Variants in LPP observed in about 807,000 individuals in gnomAD.
The protein encoded by LPP is lipoma-preferred partner.
In LPP, 38 loss-of-function variants were observed where a neutral mutation model predicts 60.4. The ratio of observed to expected loss-of-function variants is 0.63; its 90% confidence interval spans 0.49 to 0.83. LPP has a LOEUF of 0.83. Among genes scored for constraint, LPP ranks in the 40% least tolerant of loss-of-function variants. The pLI is 0.00. For missense variants in LPP, 902 were observed against 783.6 expected, an observed-to-expected ratio of 1.15 and a Z score of -1.80; for synonymous variants, 328 against 290.8, an observed-to-expected ratio of 1.13 and a Z score of -1.30.
At chr3:188,620,299 A>C (rs1266124311) in intron 7 of LPP, among the ~76,000 whole-genome samples, 4 of 152,078 alleles carry the variant, frequency 2.6e-5, no homozygotes, top group Admixed American at 6.6e-5. Context: ...CCAGGAAGAA[A>C]TCCTCTACCA....
intron 4 of LPP, among the ~76,000 whole-genome samples, chr3:188,411,032 A>G (rs1482914310): frequency 6.6e-6 from 1 of 152,172 alleles, no homozygotes; most frequent in Non-Finnish European, 1.5e-5. Context: ...CTCCAACTCT[A>G]TCCAAGTTGC....
intron 5 of LPP, among the ~76,000 whole-genome samples, chr3:188,499,817 T>G (rs1354171609): frequency 6.6e-6 from 1 of 152,204 alleles, no homozygotes; most frequent in Non-Finnish European, 1.5e-5. Flanking sequence ...TGTTCAAGGC[T>G]TTTAACTATT....
chr3:188,249,234 C>T (rs1728200388), intron 2 of LPP, among the ~76,000 whole-genome samples: 1 of 152,044 alleles, frequency 6.6e-6, no homozygotes, highest in Admixed American at 6.6e-5. Flanking sequence ...CCCACATCTA[C>T]AAAAAATTTA....
Position 188,879,240 on chromosome 3 carries a change from C to T in LPP, c.*4761C>T, listed in dbSNP as rs1769636549. 1.7e-5 allele frequency: 4 copies of T among 230,796 alleles called. No homozygotes were observed. In the South Asian group the frequency reaches 7.3e-4, roughly 42 times the overall value. The allele number at this position is 230,796 out of a possible 1,614,324, so 14.3% of individuals were successfully genotyped here. ...TACTATGACTTGGTAAGGATTCTTC[C>T]TCTCTTGCTTTCTTCCTCCCTTCCT... On this transcript the variant is annotated 3_prime_UTR_variant, in exon 12 of 12. Coordinates refer to ENST00000617246, the MANE Select transcript of LPP (RefSeq NM_001375462.1).
intron 2 of LPP, among the ~76,000 whole-genome samples, chr3:188,269,025 C>T (rs1409028560): frequency 1.3e-5 from 2 of 152,148 alleles, no homozygotes; most frequent in African/African-American, 4.8e-5. Context: ...AGATTGCTGC[C>T]TCCAGGGGTC....
intron 4 of LPP, among the ~76,000 whole-genome samples, chr3:188,459,591 G>A (rs1055904769): frequency 1.3e-5 from 2 of 152,010 alleles, no homozygotes; most frequent in African/African-American, 2.4e-5. Context: ...GACTTTTCCA[G>A]GAAACTTGTT....
chr3:188,809,619 T>G (rs1251192820), intron 9 of LPP, among the ~76,000 whole-genome samples: 3 of 152,022 alleles, frequency 2.0e-5, no homozygotes, highest in Admixed American at 1.3e-4. Flanking sequence ...ATTTTCTCCC[T>G]TTCTGTAGGT....
At chr3:188,175,125 C>T (rs964524930) in intron 1 of LPP, among the ~76,000 whole-genome samples, 1 of 152,220 alleles carries the variant, frequency 6.6e-6, no homozygotes, top group African/African-American at 2.4e-5. Context: ...CTCGCTCTGT[C>T]GCTCAGCCTG....
At chr3:188,647,341 C>T (rs777010046) in intron 7 of LPP, among the ~76,000 whole-genome samples, 43 of 151,972 alleles carry the variant, frequency 2.8e-4, no homozygotes, top group Non-Finnish European at 5.6e-4. Context: ...GGAAAGTGCC[C>T]GCTTAATTGG....
At chr3:188,783,237 C>G (rs1242700629) in intron 9 of LPP, among the ~76,000 whole-genome samples, 2 of 152,094 alleles carry the variant, frequency 1.3e-5, no homozygotes, top group Non-Finnish European at 2.9e-5. Flanking sequence ...CAGCCAAACT[C>G]TGGAAAGTTG....
chr3:188,850,308 T>C (rs184142364), intron 9 of LPP, among the ~76,000 whole-genome samples: 39 of 152,332 alleles, frequency 2.6e-4, no homozygotes, highest in East Asian at 2.5e-3. Context: ...ACTTGATACC[T>C]GATGAGATAT....
chr3:188,753,852 C>G (rs558677694), intron 8 of LPP, among the ~76,000 whole-genome samples: 1 of 152,026 alleles, frequency 6.6e-6, no homozygotes, highest in East Asian at 1.9e-4. Flanking sequence ...CACCTTTCCC[C>G]CACTAGCCAC....
rs553038661 is a variant in LPP, at chr3:188,740,702, T to C, written c.1241-19411T>C. On this transcript the variant is annotated intron_variant, in intron 8 of 11. Transcript: ENST00000617246. ...TGTTCAGTTAAACTTATTTGATGTG[T>C]GCTCAGCAGGTTGTAAAATTCCTAT... Among the ~76,000 whole-genome samples the C allele has an allele frequency of 3.3e-5, 5 of 152,142 alleles. No homozygotes were observed. In the East Asian group the frequency reaches 9.7e-4, roughly 29 times the overall value.
At chr3:188,261,053 A>G (rs1419839640) in intron 2 of LPP, among the ~76,000 whole-genome samples, 2 of 152,186 alleles carry the variant, frequency 1.3e-5, no homozygotes, top group African/African-American at 2.4e-5. Flanking sequence ...AGCCTGGGCC[A>G]CAGAGCGAGA....
intron 7 of LPP, among the ~76,000 whole-genome samples, chr3:188,680,172 T>G (rs1859165971): frequency 6.6e-6 from 1 of 152,240 alleles, no homozygotes; most frequent in African/African-American, 2.4e-5. Context: ...CTTCATCTTT[T>G]TCTTTCCTTT....
chr3:188,245,412 G>A (rs1476833000), intron 2 of LPP, among the ~76,000 whole-genome samples: 6 of 152,128 alleles, frequency 3.9e-5, no homozygotes, highest in Non-Finnish European at 5.9e-5. Context: ...TAAACAGTTT[G>A]TGGGCAGGGA....
At chr3:188,198,695 G>A (rs1276173291) in intron 1 of LPP, among the ~76,000 whole-genome samples, 1 of 152,142 alleles carries the variant, frequency 6.6e-6, no homozygotes, top group Non-Finnish European at 1.5e-5. Context: ...TGATTCATTT[G>A]CATTCCCCAT....
rs1770839043 is a variant in LPP, at chr3:188,887,694, A to G, written c.*13215A>G. The G allele has an allele frequency of 4.7e-6, 1 of 212,922 alleles. No homozygotes were observed. The allele number at this position is 212,922 out of a possible 1,614,324, so 13.2% of individuals were successfully genotyped here. A position where few individuals can be genotyped will look rare whatever the true frequency, so the allele number is the denominator to read the frequency against. Reference sequence around the variant, plus strand: ...ATTGAAACTAACATGGGACCATGCCATCCTTCTAGCATAATGGAGAAGTCT... The same window carrying G: ...ATTGAAACTAACATGGGACCATGCCGTCCTTCTAGCATAATGGAGAAGTCT... On this transcript the variant is annotated 3_prime_UTR_variant, in exon 12 of 12. Transcript: ENST00000617246.
chr3:188,746,348 G>A (rs1726195873), intron 8 of LPP: 2 of 423,302 alleles, frequency 4.7e-6, no homozygotes, highest in East Asian at 1.2e-4. Context: ...TTGTAACAGG[G>A]GGCAGAAAAA....
Sources: allele counts gnomAD v4.1 joint callset (sites outside exome capture counted in the v4.1 genomes callset), GRCh38; gene constraint gnomAD v4.1.1; transcripts MANE v1.5; gene names NCBI Gene and HGNC (gene_info 2026-07-23, HGNC 2026-07-21).